HAO2: variants seen among roughly 807,000 people sequenced by gnomAD.
HAO2 encodes hydroxyacid oxidase 2.
In HAO2, 42 loss-of-function variants were observed where a neutral mutation model predicts 37.4. That is an observed-to-expected ratio of 1.12 (90% CI 0.88 to 1.45). The LOEUF is 1.45. HAO2 is among the 40% of genes most tolerant of loss of function. HAO2 has a pLI of 0.00. For missense variants in HAO2, 476 were observed against 430.2 expected (o/e 1.11, Z -0.94); for synonymous variants, 180 against 162.8 (o/e 1.11, Z -0.81).
rs755535368 is a variant in HAO2, at chr1:119,381,202, T to C, written c.117T>C (p.Ile39=). The C allele has an allele frequency of 6.2e-7, 1 of 1,611,500 alleles. No individual in the cohort carries two copies. The highest frequency in any genetic ancestry group is 1.1e-5 in the South Asian group (1 of 91,004). Residue 39 remains isoleucine, a synonymous_variant, in exon 2 of 8, where the codon ATT becomes ATC. Coordinates refer to ENST00000325945, the MANE Select transcript of HAO2 (RefSeq NM_016527.4). Reference sequence around the variant, plus strand: ...ACAGCATCACGCGGGATGACAACATTGCAGCATTTAAAAGGTGTGGTCTTC... The same window carrying C: ...ACAGCATCACGCGGGATGACAACATCGCAGCATTTAAAAGGTGTGGTCTTC... ...ADDSITRDDN[I]AAFKRIRLRP... is the part of the protein sequence containing the mutation.
intron 6 of HAO2, 94 bp downstream of exon 6, chr1:119,392,362 C>T: frequency 9.2e-7 from 1 of 1,084,988 alleles, no homozygotes; most frequent in Non-Finnish European, 1.4e-6. Flanking sequence ...TAGACATTTT[C>T]AAAATGATTC....
intron 2 of HAO2, among the ~76,000 whole-genome samples, chr1:119,381,868 TAAA>T (rs1649973972): frequency 2.6e-5 from 4 of 152,224 alleles, no homozygotes; most frequent in Non-Finnish European, 4.4e-5. Flanking sequence ...TTGGTGTCCA[TAAA>T]TAAAGTTTTA....
rs587637241 is a variant in HAO2, at chr1:119,389,314, A to G, written c.771+2483A>G. ...CTTTTCCCCTGGGTAGATACCTGGT[A>G]GTGGGATTGCTGGATCAAATGGTAG... is the stretch of plus-strand genomic sequence containing the variant. On this transcript the variant is annotated intron_variant, in intron 5 of 7. Transcript: ENST00000325945. Among the ~76,000 whole-genome samples the G allele has an allele frequency of 1.8e-4, 27 of 150,004 alleles. No individual in the cohort carries two copies. The East Asian group carries it at 5.1e-3, about 28-fold the overall frequency.
At chr1:119,382,404 A>G (rs115178906) in intron 2 of HAO2, among the ~76,000 whole-genome samples, 378 of 152,318 alleles carry the variant, frequency 2.5e-3, no homozygotes, top group African/African-American at 8.7e-3. Flanking sequence ...TGTTTAAGTC[A>G]AATCTTCAAA....
chr1:119,392,059 T>C lies in HAO2; in HGVS notation c.772-51T>C, dbSNP rs372300103. 145 of 1,522,050 alleles carry C rather than the reference T, an allele frequency of 9.5e-5. No homozygotes were observed. In the African/African-American group the frequency reaches 1.9e-3, roughly 19 times the overall value. The allele number at this position is 1,522,050 out of a possible 1,614,324, so 94.3% of individuals were successfully genotyped here. A position where few individuals can be genotyped will look rare whatever the true frequency, so the allele number is the denominator to read the frequency against. On this transcript the variant is annotated intron_variant, in intron 5 of 7. Transcript: ENST00000325945. ...CTGGTCATATGCCAGGAAGACCAAG[T>C]CTGAGAGTCAAAATAGAAAGCCCTC... is the stretch of plus-strand genomic sequence containing the variant.
chr1:119,368,908 T>C lies in HAO2; in HGVS notation c.-9+6T>C, dbSNP rs1648722654. Reference sequence around the variant, plus strand: ...CTGGAAGACATTAGAATAAGGTTTGTCATTGAGTGTGTTCTGTGTGCTTGG... The same window carrying C: ...CTGGAAGACATTAGAATAAGGTTTGCCATTGAGTGTGTTCTGTGTGCTTGG... On this transcript the variant is annotated splice_donor_region_variant and intron_variant, in intron 1 of 7. Transcript: ENST00000325945. 2.0e-5 allele frequency: 3 copies of C among 152,168 alleles called. No individual in the cohort carries two copies. The South Asian group carries it at 6.2e-4, about 32-fold the overall frequency. 9.4% of individuals were successfully genotyped at this position (152,168 alleles called of 1,614,324 possible).
intron 5 of HAO2, among the ~76,000 whole-genome samples, chr1:119,390,186 T>C (rs1011908270): frequency 3.9e-5 from 6 of 152,214 alleles, no homozygotes; most frequent in Non-Finnish European, 8.8e-5. Flanking sequence ...TTTTGGTGAC[T>C]ATTAGTAACG....
intron 1 of HAO2, among the ~76,000 whole-genome samples, chr1:119,369,737 A>G (rs1192208825): frequency 6.6e-6 from 1 of 152,100 alleles, no homozygotes; most frequent in Non-Finnish European, 1.5e-5. Flanking sequence ...AGGTAATGGG[A>G]ATATTGCCAA....
At chr1:119,387,615 C>T (rs1020979383) in intron 5 of HAO2, among the ~76,000 whole-genome samples, 10 of 152,116 alleles carry the variant, frequency 6.6e-5, no homozygotes, top group Non-Finnish European at 1.3e-4. Context: ...AATGCAAATA[C>T]AATTTTTGGT....
At position 119,383,058 on chromosome 1, in the gene HAO2, C is replaced by T; in HGVS notation, c.275C>T (p.Thr92Ile). 1 of 1,611,736 alleles carries T rather than the reference C, an allele frequency of 6.2e-7. No homozygotes were observed. Among genetic ancestry groups the T allele is most frequent in the Non-Finnish European group, 8.5e-7 (1 of 1,178,824 alleles). ...CLVWPDGEMSTARAAQAAGIC... is the reference protein window; with the variant it reads ...CLVWPDGEMSIARAAQAAGIC... ...GTCTGGCCTGATGGGGAAATGAGCA[C>T]AGCAAGAGGTATGAACCATCCCCAC... Residue 92 changes from threonine to isoleucine, a missense_variant, in exon 3 of 8, where the codon ACA becomes ATA. By Grantham distance (89) the Thr-to-Ile change is moderately conservative. Transcript: ENST00000325945.
chr1:119,393,760 G>A, intron 7 of HAO2, 25 bp from the exon 8 acceptor site: 3 of 1,610,404 alleles, frequency 1.9e-6, no homozygotes, highest in Non-Finnish European at 2.5e-6. Context: ...ACAAAAATGA[G>A]CTTGTAACCA....
At chr1:119,383,171 C>T in intron 3 of HAO2, 105 bp downstream of exon 3, 1 of 710,816 alleles carries the variant, frequency 1.4e-6, no homozygotes, top group Non-Finnish European at 2.3e-6. Flanking sequence ...GGAACATAAT[C>T]TGGTTAACAC....
In HAO2 at chr1:119,381,269, G is replaced by A. The variant is rs587703313; in HGVS notation, c.131+53G>A. On this transcript the variant is annotated intron_variant, in intron 2 of 7. Coordinates refer to ENST00000325945, the MANE Select transcript of HAO2 (RefSeq NM_016527.4). ...TTAGGTTAAGGTGCACTGGTGGAGA[G>A]CAACTTGGACAGTAGTAGTCCTGGT... 46 of 1,346,176 alleles carry A rather than the reference G, an allele frequency of 3.4e-5. 1 individual carries two copies. The South Asian group carries it at 5.1e-4, about 15-fold the overall frequency. The allele number at this position is 1,346,176 out of a possible 1,614,324, so 83.4% of individuals were successfully genotyped here. A position where few individuals can be genotyped will look rare whatever the true frequency, so the allele number is the denominator to read the frequency against.
chr1:119,373,573 G>C (rs1406435475), intron 1 of HAO2, among the ~76,000 whole-genome samples: 1 of 152,090 alleles, frequency 6.6e-6, no homozygotes, highest in Non-Finnish European at 1.5e-5. Context: ...GTAGGTAATT[G>C]CCTAATTAGG....
At chr1:119,378,394 T>A (rs587706402) in intron 1 of HAO2, among the ~76,000 whole-genome samples, 1 of 152,284 alleles carries the variant, frequency 6.6e-6, no homozygotes, top group East Asian at 1.9e-4. Context: ...TTCAAGAAGA[T>A]ATTTGGGTGG....
In HAO2 at chr1:119,382,977, A is replaced by G. The variant is rs781162185; in HGVS notation, c.194A>G (p.Gln65Arg). ...GAGGTGGACACCAGAACCACAATCC[A>G]AGGGGAGGAGATCAGTGCCCCTATT... Reference protein sequence around the residue: ...VSEVDTRTTIQGEEISAPICI... With the variant: ...VSEVDTRTTIRGEEISAPICI... The change falls in exon 3 of 8, where the codon CAA becomes CGA. Residue 65 changes from glutamine (Q) to arginine (R), a missense_variant. Coordinates refer to ENST00000325945, the MANE Select transcript of HAO2 (RefSeq NM_016527.4). 1 of 1,613,414 alleles carries G rather than the reference A, an allele frequency of 6.2e-7. No individual in the cohort carries two copies. The highest frequency in any genetic ancestry group is 2.2e-5 in the East Asian group (1 of 44,788).
chr1:119,392,554 T>C (rs1650997127), intron 6 of HAO2, 64 bp from the exon 7 acceptor site: 3 of 1,016,640 alleles, frequency 3.0e-6, no homozygotes, highest in Admixed American at 1.7e-5. Flanking sequence ...GAATTTATAC[T>C]AGTGGATGGT....
intron 5 of HAO2, among the ~76,000 whole-genome samples, chr1:119,387,087 C>G (rs1481529761): frequency 6.6e-6 from 1 of 152,090 alleles, no homozygotes; most frequent in Non-Finnish European, 1.5e-5. Context: ...GTTATTATCC[C>G]TGATTTGCAA....
At chr1:119,371,054 T>C (rs1231465503) in intron 1 of HAO2, among the ~76,000 whole-genome samples, 2 of 152,214 alleles carry the variant, frequency 1.3e-5, no homozygotes, top group African/African-American at 4.8e-5. Context: ...CAGTGTCACA[T>C]AGAACTCCTT....
Sources: gnomAD v4.1 joint callset for allele counts (sites outside exome capture counted in the v4.1 genomes callset) on GRCh38, gnomAD v4.1.1 for gene constraint, MANE v1.5 for transcripts, NCBI Gene and HGNC (gene_info 2026-07-23, HGNC 2026-07-21) for gene names.